The following BUB1B variants were observed in gnomAD, a reference collection of about 807,000 sequenced individuals.
BUB1B encodes mitotic checkpoint serine/threonine-protein kinase BUB1 beta.
Under a neutral mutation model 137.7 loss-of-function variants are expected in BUB1B, and 86 were observed. The observed-to-expected ratio is 0.62, with a 90% confidence interval of 0.52 to 0.75. The LOEUF (loss-of-function observed/expected upper bound fraction) is 0.75. BUB1B is among the 30% of genes least tolerant of loss of function. The pLI is 0.00. For missense variants in BUB1B, 1,130 were observed against 1,236.9 expected (o/e 0.91, Z 1.30); for synonymous variants, 420 against 417.9 (o/e 1.00, Z -0.06).
At chr15:40,213,987 TA>T (rs2037745200) in intron 20 of BUB1B, among the ~76,000 whole-genome samples, 1 of 152,178 alleles carries the variant, frequency 6.6e-6, no homozygotes, top group South Asian at 2.1e-4. Flanking sequence ...TTAAATCAGA[TA>T]AAAGAATTAA....
intron 12 of BUB1B, among the ~76,000 whole-genome samples, chr15:40,201,812 G>A (rs976942287): frequency 7.9e-5 from 12 of 151,892 alleles, no homozygotes; most frequent in African/African-American, 7.3e-5. Flanking sequence ...GACTACAGGC[G>A]CCCACCACCA....
intron 9 of BUB1B, among the ~76,000 whole-genome samples, chr15:40,198,212 G>A (rs1046223599): frequency 9.3e-5 from 14 of 150,760 alleles, no homozygotes; most frequent in East Asian, 3.9e-4. Flanking sequence ...TGACCTCTGA[G>A]AATTTTTTAA....
At chr15:40,187,043 T>C (rs992547980) in intron 8 of BUB1B, 2 of 151,842 alleles carry the variant, frequency 1.3e-5, no homozygotes, top group East Asian at 1.9e-4. Context: ...CCCAGCACTT[T>C]GGGAGGCCAA....
At chr15:40,183,582 A>G (rs2037322225) in intron 5 of BUB1B, 132 bp from the exon 6 acceptor site, 6 of 817,694 alleles carry the variant, frequency 7.3e-6, no homozygotes, top group Non-Finnish European at 1.0e-5. Context: ...GAGAATAAAC[A>G]TGTTCTTTGG....
intron 2 of BUB1B, among the ~76,000 whole-genome samples, chr15:40,165,463 G>A (rs528563972): frequency 6.6e-6 from 1 of 152,304 alleles, no homozygotes; most frequent in South Asian, 2.1e-4. Flanking sequence ...ACAGGGGGCA[G>A]TGATAAGCAT....
At chr15:40,203,265 T>C (rs2037597296) in intron 14 of BUB1B, among the ~76,000 whole-genome samples, 2 of 152,236 alleles carry the variant, frequency 1.3e-5, no homozygotes, top group South Asian at 4.1e-4. Flanking sequence ...TAGATGAACC[T>C]TGAAAACGTT....
At chr15:40,161,344 G>T (rs921042882) in intron 1 of BUB1B, 89 bp downstream of exon 1, 10 of 1,466,944 alleles carry the variant, frequency 6.8e-6, no homozygotes, top group Non-Finnish European at 9.2e-6. Flanking sequence ...CAGTCGAGGG[G>T]GAGATCGGCA....
chr15:40,199,396 TC>T (rs1463376825), intron 9 of BUB1B, among the ~76,000 whole-genome samples: 1 of 152,242 alleles, frequency 6.6e-6, no homozygotes, highest in Non-Finnish European at 1.5e-5. Context: ...AATGTTTTTT[TC>T]CTTTTAGTAG....
chr15:40,185,494 A>G, intron 7 of BUB1B, 57 bp from the exon 8 acceptor site: 1 of 1,594,480 alleles, frequency 6.3e-7, no homozygotes, highest in Non-Finnish European at 8.6e-7. Context: ...CATGGTCTAT[A>G]TATGCTGTCT....
In BUB1B at chr15:40,209,646, C is replaced by T; in HGVS notation, c.2155C>T (p.Gln719Ter). The change falls in exon 17 of 23, where the codon CAG (glutamine) becomes TAG (stop). Residue 719 changes from glutamine (Q) to a stop codon, truncating the protein, a stop_gained. Transcript: ENST00000287598. LOFTEE classifies it high-confidence loss of function. ...LTNETSENPT[Q>*]SPWCSQYRRQ... ...CCTCCCACTGGCAGAAAACCCTACT[C>T]AGTCACCATGGTGTTCACAGTATCG... The T allele has an allele frequency of 6.2e-7, 1 of 1,614,138 alleles. No individual in the cohort carries two copies.
At chr15:40,209,880 T>C (rs2037688820) in intron 17 of BUB1B, 105 bp downstream of exon 17, 2 of 1,467,746 alleles carry the variant, frequency 1.4e-6, no homozygotes, top group Non-Finnish European at 1.9e-6. Flanking sequence ...TCCTAGATTG[T>C]ATTTTTTAAA....
Position 40,161,145 on chromosome 15 carries a change from C to T in BUB1B, c.-76C>T, listed in dbSNP as rs910548382. On this transcript the variant is annotated 5_prime_UTR_variant, in exon 1 of 23. Coordinates refer to ENST00000287598, the MANE Select transcript of BUB1B (RefSeq NM_001211.6). The stretch of plus-strand genomic sequence containing the variant: ...CTTCTGTAGCTCCGAGGGCAGGTTG[C>T]GGAAGAAAGCCCAGGCGGTCTGTGG... The T allele has an allele frequency of 6.3e-7, 1 of 1,575,536 alleles. No individual in the cohort carries two copies. The highest frequency in any genetic ancestry group is 8.6e-7 in the Non-Finnish European group (1 of 1,158,562).
intron 15 of BUB1B, among the ~76,000 whole-genome samples, chr15:40,207,182 A>G (rs1013752865): frequency 6.6e-6 from 1 of 152,222 alleles, no homozygotes; most frequent in Non-Finnish European, 1.5e-5. Flanking sequence ...GAGAGGTGGA[A>G]ATGAACTATG....
intron 1 of BUB1B, 138 bp downstream of exon 1, chr15:40,161,393 G>A: frequency 9.7e-7 from 1 of 1,034,582 alleles, no homozygotes; most frequent in Non-Finnish European, 1.3e-6. Context: ...CTTCCTTTTG[G>A]AGTAGAATGC....
intron 1 of BUB1B, among the ~76,000 whole-genome samples, chr15:40,164,196 C>T (rs1038064924): frequency 1.3e-5 from 2 of 152,056 alleles, no homozygotes; most frequent in Non-Finnish European, 2.9e-5. Context: ...ATCATTGAAA[C>T]ATGGGACATT....
intron 18 of BUB1B, 53 bp downstream of exon 18, chr15:40,210,263 G>C (rs2037694640): frequency 7.7e-7 from 1 of 1,299,606 alleles, no homozygotes; most frequent in African/African-American, 1.5e-5. Context: ...ACGGATTGGA[G>C]CAATAACTGT....
intron 20 of BUB1B, 129 bp downstream of exon 20, chr15:40,213,603 T>A (rs969860685): frequency 1.2e-5 from 12 of 999,982 alleles, no homozygotes; most frequent in Non-Finnish European, 1.7e-5. Flanking sequence ...TGGCATGATC[T>A]TGGCTCACTG....
chr15:40,210,212 T>C lies in BUB1B; in HGVS notation c.2385+2T>C. 1 of 1,581,098 alleles carries C rather than the reference T, an allele frequency of 6.3e-7. No individual in the cohort carries two copies. Among genetic ancestry groups the C allele is most frequent in the Non-Finnish European group, 8.7e-7 (1 of 1,150,320 alleles). On this transcript the variant is annotated splice_donor_variant, in intron 18 of 22. Coordinates refer to ENST00000287598, the MANE Select transcript of BUB1B (RefSeq NM_001211.6). LOFTEE classifies it high-confidence loss of function. Reference sequence around the variant, plus strand: ...TCTGCAGAATTAACAGTAATAAAGGTGGGACTGATTCTTTATAATTTCAGT... The same window carrying C: ...TCTGCAGAATTAACAGTAATAAAGGCGGGACTGATTCTTTATAATTTCAGT...
intron 14 of BUB1B, among the ~76,000 whole-genome samples, chr15:40,204,108 C>T (rs1018246273): frequency 6.6e-6 from 1 of 152,122 alleles, no homozygotes; most frequent in Admixed American, 6.6e-5. Flanking sequence ...TATCAAGATA[C>T]AGAATATTTC....
Sources: gnomAD v4.1 joint callset for allele counts (sites outside exome capture counted in the v4.1 genomes callset) on GRCh38, gnomAD v4.1.1 for gene constraint, MANE v1.5 for transcripts, NCBI Gene and HGNC (gene_info 2026-07-23, HGNC 2026-07-21) for gene names.